The following PPFIA2 variants were observed in gnomAD, a reference collection of about 807,000 sequenced individuals.
PPFIA2 encodes PPFI scaffold protein A2.
PPFIA2 carries 46 observed loss-of-function variants against 175.5 expected under a neutral mutation model. The observed-to-expected ratio is 0.26, with a 90% CI of 0.21 to 0.34. The LOEUF (loss-of-function observed/expected upper bound fraction) is 0.34, where lower values mean the gene tolerates loss of function less well. Among genes scored for constraint, PPFIA2 ranks in the 10% least tolerant of loss-of-function variants. The pLI, the probability that PPFIA2 is intolerant of heterozygous loss-of-function variation, is 1.00. For synonymous variants in PPFIA2, 568 were observed against 511.4 expected (o/e 1.11, Z -1.49); for missense variants, 1,179 against 1,506.1 (o/e 0.78, Z 3.60).
chr12:81,362,172 CA>C (rs1290462319), intron 15 of PPFIA2, among the ~76,000 whole-genome samples: 3 of 148,970 alleles, frequency 2.0e-5, no homozygotes, highest in African/African-American at 7.3e-5. Flanking sequence ...TTATCTGATT[CA>C]TTTCTCTTTT....
At chr12:81,656,857 T>C (rs2067867008) in intron 4 of PPFIA2, among the ~76,000 whole-genome samples, 1 of 152,016 alleles carries the variant, frequency 6.6e-6, no homozygotes, top group Admixed American at 6.6e-5. Flanking sequence ...AATACCTCTT[T>C]GAAAAATAAT....
chr12:81,363,605 TTGA>T (rs1301912359), intron 14 of PPFIA2, among the ~76,000 whole-genome samples: 1 of 151,782 alleles, frequency 6.6e-6, no homozygotes, highest in Non-Finnish European at 1.5e-5. Flanking sequence ...TGGCCAGTGC[TTGA>T]TATTTTACTT....
chr12:81,514,858 T>G (rs188363397), intron 4 of PPFIA2, among the ~76,000 whole-genome samples: 9 of 152,076 alleles, frequency 5.9e-5, no homozygotes, highest in Admixed American at 5.9e-4. Flanking sequence ...TCATTTATTA[T>G]TCTATGACAT....
chr12:81,546,911 C>T (rs565292960), intron 4 of PPFIA2, among the ~76,000 whole-genome samples: 2 of 152,196 alleles, frequency 1.3e-5, no homozygotes, highest in African/African-American at 4.8e-5. Flanking sequence ...GTCCAGAGAA[C>T]TTCTGATTCT....
At chr12:81,411,487 A>C (rs1203652061) in intron 7 of PPFIA2, among the ~76,000 whole-genome samples, 2 of 152,046 alleles carry the variant, frequency 1.3e-5, no homozygotes, top group Non-Finnish European at 2.9e-5. Context: ...TGCCTCTGTC[A>C]GGTTGATTTT....
chr12:81,372,079 C>A (rs1313115281), intron 11 of PPFIA2, among the ~76,000 whole-genome samples: 1 of 151,692 alleles, frequency 6.6e-6, no homozygotes, highest in Non-Finnish European at 1.5e-5. Flanking sequence ...ATAGTTTTAG[C>A]AATTGTTGTA....
At chr12:81,580,164 AGTAC>A (rs2074187578) in intron 4 of PPFIA2, among the ~76,000 whole-genome samples, 3 of 152,012 alleles carry the variant, frequency 2.0e-5, no homozygotes, top group South Asian at 4.1e-4. Context: ...TAGTACTGTA[AGTAC>A]ACCTGTTTTG....
chr12:81,361,195 T>C (rs546768282), intron 15 of PPFIA2, among the ~76,000 whole-genome samples: 1 of 151,854 alleles, frequency 6.6e-6, no homozygotes, highest in East Asian at 1.9e-4. Context: ...TTTGAAACTC[T>C]GTATTTTGAG....
chr12:81,304,038 C>T (rs1233954573), intron 22 of PPFIA2, among the ~76,000 whole-genome samples: 7 of 152,098 alleles, frequency 4.6e-5, no homozygotes, highest in Non-Finnish European at 1.0e-4. Flanking sequence ...ATTTGCATGC[C>T]ATCACATGCC....
At chr12:81,556,476 C>A (rs2068878961) in intron 4 of PPFIA2, among the ~76,000 whole-genome samples, 1 of 151,800 alleles carries the variant, frequency 6.6e-6, no homozygotes. Flanking sequence ...AAACTCTGAA[C>A]TGTTTTCCAC....
intron 8 of PPFIA2, among the ~76,000 whole-genome samples, chr12:81,385,154 G>A (rs2038647615): frequency 6.6e-6 from 1 of 152,112 alleles, no homozygotes; most frequent in South Asian, 2.1e-4. Context: ...AAACCACGAT[G>A]AGATATCACT....
chr12:81,647,296 A>G (rs1397604844), intron 4 of PPFIA2, among the ~76,000 whole-genome samples: 2 of 152,218 alleles, frequency 1.3e-5, no homozygotes, highest in Admixed American at 1.3e-4. Context: ...CAAAATGGAA[A>G]AACAGAAAAC....
chr12:81,546,883 A>C (rs1287642075), intron 4 of PPFIA2, among the ~76,000 whole-genome samples: 1 of 152,076 alleles, frequency 6.6e-6, no homozygotes, highest in African/African-American at 2.4e-5. Context: ...TTGGGCCCAG[A>C]AAGTGTGAGG....
At position 81,286,072 on chromosome 12, in the gene PPFIA2, G is replaced by A. The variant is rs576403044; in HGVS notation, c.2926-1769C>T. Among the ~76,000 whole-genome samples the A allele has an allele frequency of 1.2e-3, 184 of 151,980 alleles. 4 individuals are homozygous for A. The highest frequency in any genetic ancestry group is 4.1e-3 in the African/African-American group (170 of 41,472). On this transcript the variant is annotated intron_variant, in intron 24 of 32. Coordinates refer to ENST00000549396, the MANE Select transcript of PPFIA2 (RefSeq NM_003625.5). ...TTGTGTTTGTGTCTTAGTTTGTAACGAAAAAGCTTAAAGAGGGGAAAAAAT... is the reference window on the plus strand; with the variant it reads ...TTGTGTTTGTGTCTTAGTTTGTAACAAAAAAGCTTAAAGAGGGGAAAAAAT...
chr12:81,506,327 G>A (rs2061166446), intron 4 of PPFIA2, among the ~76,000 whole-genome samples: 1 of 152,090 alleles, frequency 6.6e-6, no homozygotes, highest in Non-Finnish European at 1.5e-5. Flanking sequence ...CTTATACTCT[G>A]TATGAAACTT....
intron 4 of PPFIA2, among the ~76,000 whole-genome samples, chr12:81,460,617 A>C (rs1341141643): frequency 6.6e-6 from 1 of 152,062 alleles, no homozygotes; most frequent in Non-Finnish European, 1.5e-5. Flanking sequence ...ACATGGAGTT[A>C]ACCACCAAAC....
intron 7 of PPFIA2, among the ~76,000 whole-genome samples, chr12:81,424,644 C>T (rs2046837593): frequency 6.6e-6 from 1 of 152,124 alleles, no homozygotes. Context: ...GATTGCATGT[C>T]CTGGTCTCTT....
intron 4 of PPFIA2, among the ~76,000 whole-genome samples, chr12:81,580,574 T>A (rs569133969): frequency 1.3e-5 from 2 of 151,478 alleles, no homozygotes; most frequent in Admixed American, 1.3e-4. Context: ...TTTTAAATTT[T>A]AAAATATTTT....
intron 9 of PPFIA2, among the ~76,000 whole-genome samples, chr12:81,380,137 G>A (rs1252679107): frequency 6.6e-6 from 1 of 152,096 alleles, no homozygotes; most frequent in Non-Finnish European, 1.5e-5. Context: ...AGGATGAGGT[G>A]GGAGGATCCC....
Sources: gnomAD v4.1 joint callset for allele counts (sites outside exome capture counted in the v4.1 genomes callset) on GRCh38, gnomAD v4.1.1 for gene constraint, MANE v1.5 for transcripts, NCBI Gene and HGNC (gene_info 2026-07-23, HGNC 2026-07-21) for gene names.